CTNNA3: variants seen among roughly 807,000 people sequenced by gnomAD.
The protein encoded by CTNNA3 is catenin alpha 3.
A neutral mutation model predicts 95.7 loss-of-function variants in CTNNA3; 76 were observed. That is an observed-to-expected ratio of 0.79 (90% confidence interval 0.66 to 0.96). The LOEUF is 0.96. Among genes scored for constraint, CTNNA3 ranks in the 40% least tolerant of loss-of-function variants. The probability of loss-of-function intolerance (pLI) is 0.00; values close to 1 mark genes in which losing one functional copy is unlikely to be tolerated. For missense variants in CTNNA3, 1,191 were observed against 1,089.8 expected (o/e 1.09, Z -1.31); for synonymous variants, 431 against 374.4 (o/e 1.15, Z -1.74).
chr10:67,669,303 A>G (rs1050097319), intron 1 of CTNNA3, among the ~76,000 whole-genome samples: 1 of 152,182 alleles, frequency 6.6e-6, no homozygotes, highest in South Asian at 2.1e-4. Context: ...TGCAGAATCC[A>G]TGAACTTTGG....
intron 13 of CTNNA3, among the ~76,000 whole-genome samples, chr10:66,131,080 A>AG (rs1220448135): frequency 1.5e-3 from 222 of 151,392 alleles, no homozygotes; most frequent in African/African-American, 5.0e-3. Flanking sequence ...AAAAAAAAAA[A>AG]AAGAAGAAGA....
At chr10:66,002,051 T>A (rs1445917392) in intron 15 of CTNNA3, among the ~76,000 whole-genome samples, 3 of 152,208 alleles carry the variant, frequency 2.0e-5, no homozygotes, top group African/African-American at 7.2e-5. Flanking sequence ...TAGGATTATA[T>A]AAATTAGCTC....
At position 66,104,489 on chromosome 10, in the gene CTNNA3, G is replaced by A. The variant is rs74142669; in HGVS notation, c.1885-1240C>T. On this transcript the variant is annotated intron_variant, in intron 13 of 17. Coordinates refer to ENST00000433211, the MANE Select transcript of CTNNA3 (RefSeq NM_013266.4). ...GCTTTGGGGATACAAGTGGGTTTTG[G>A]TTACACAGATGAAATGCATGAATGT... 6.6e-4 allele frequency among the ~76,000 whole-genome samples: 100 copies of A among 152,148 alleles called. 1 individual carries two copies. Among genetic ancestry groups the A allele is most frequent in the African/African-American group, 2.2e-3 (92 of 41,486 alleles).
chr10:66,529,836 C>T (rs1841404641), intron 10 of CTNNA3, among the ~76,000 whole-genome samples: 1 of 152,120 alleles, frequency 6.6e-6, no homozygotes, highest in African/African-American at 2.4e-5. Context: ...AGCCAAGAGG[C>T]TCAAGTTAAA....
intron 13 of CTNNA3, among the ~76,000 whole-genome samples, chr10:66,126,811 T>C (rs959143575): frequency 6.6e-6 from 1 of 152,126 alleles, no homozygotes; most frequent in African/African-American, 2.4e-5. Context: ...ACTGAATATA[T>C]AAATAAATTG....
At chr10:66,503,707 T>A (rs1438099693) in intron 11 of CTNNA3, among the ~76,000 whole-genome samples, 2 of 152,086 alleles carry the variant, frequency 1.3e-5, no homozygotes, top group Non-Finnish European at 2.9e-5. Context: ...GACATTGTGA[T>A]CCTCCTGCCT....
intron 12 of CTNNA3, among the ~76,000 whole-genome samples, chr10:66,309,222 C>T (rs893564388): frequency 1.3e-5 from 2 of 152,124 alleles, no homozygotes; most frequent in African/African-American, 4.8e-5. Flanking sequence ...AGACCTAGAA[C>T]TATATATACT....
intron 7 of CTNNA3, among the ~76,000 whole-genome samples, chr10:67,094,055 AC>A (rs1316082603): frequency 1.3e-5 from 2 of 151,924 alleles, no homozygotes; most frequent in African/African-American, 4.8e-5. Flanking sequence ...AAAATCTAAT[AC>A]CCTAAGCTGA....
intron 9 of CTNNA3, among the ~76,000 whole-genome samples, chr10:66,745,096 T>C (rs1033566828): frequency 7.9e-5 from 12 of 152,180 alleles, no homozygotes; most frequent in Admixed American, 7.9e-4. Flanking sequence ...CCCCCAGCGC[T>C]TCTCAGCTCT....
rs187858881 is a variant in CTNNA3, at chr10:67,092,111, A to C, written c.1047+88206T>G. ...ACAAGGACTACATCTAAAAAACTGA[A>C]TTTCTTCATTAAGAAGTCTGTTTCT... On this transcript the variant is annotated intron_variant, in intron 7 of 17. Coordinates refer to ENST00000433211, the MANE Select transcript of CTNNA3 (RefSeq NM_013266.4). Among the ~76,000 whole-genome samples, 11 of 152,140 alleles carry C rather than the reference A, an allele frequency of 7.2e-5. No homozygotes were observed. The East Asian group carries it at 2.1e-3, about 30-fold the overall frequency.
Position 66,360,747 on chromosome 10 carries a change from C to CCTTTCTTTCTTTCTTT in CTNNA3, c.1732+18404_1732+18405insAAAGAAAGAAAGAAAG, listed in dbSNP as rs1564896851. ...TCCTTTCTTTCTTTCTTTCTTTCTT[C>CCTTTCTTTCTTTCTTT]CTTCCTTCCTTCCTTCCTTCCTTTT... is the stretch of plus-strand genomic sequence containing the variant. On this transcript the variant is annotated intron_variant, in intron 12 of 17. Coordinates refer to ENST00000433211, the MANE Select transcript of CTNNA3 (RefSeq NM_013266.4). Among the ~76,000 whole-genome samples, 49 of 27,012 alleles carry CCTTTCTTTCTTTCTTT rather than the reference C, an allele frequency of 1.8e-3. 6 individuals carry two copies. The highest frequency in any genetic ancestry group is 2.6e-3 in the Non-Finnish European group (44 of 17,086). 17.7% of individuals were successfully genotyped at this position (27,012 alleles called of 152,430 possible).
At chr10:67,678,145 G>T (rs191652475) in intron 1 of CTNNA3, among the ~76,000 whole-genome samples, 2 of 151,978 alleles carry the variant, frequency 1.3e-5, no homozygotes, top group Admixed American at 6.5e-5. Flanking sequence ...TTTAAAAATC[G>T]TGTAACATAA....
At chr10:66,684,070 A>G (rs1480095738) in intron 9 of CTNNA3, among the ~76,000 whole-genome samples, 1 of 152,154 alleles carries the variant, frequency 6.6e-6, no homozygotes, top group African/African-American at 2.4e-5. Flanking sequence ...CTAATTATCT[A>G]ATTTACAATA....
chr10:66,469,756 A>C (rs977231820), intron 11 of CTNNA3, among the ~76,000 whole-genome samples: 1 of 151,840 alleles, frequency 6.6e-6, no homozygotes, highest in Non-Finnish European at 1.5e-5. Context: ...ATGATAGTAA[A>C]AAATGAGAGA....
chr10:66,928,993 T>C (rs1014246503), intron 7 of CTNNA3, among the ~76,000 whole-genome samples: 1 of 152,134 alleles, frequency 6.6e-6, no homozygotes, highest in Non-Finnish European at 1.5e-5. Context: ...CAGGAAACTA[T>C]CAAAAGATGG....
chr10:67,641,546 A>T (rs1384501831), intron 2 of CTNNA3, among the ~76,000 whole-genome samples: 1 of 152,192 alleles, frequency 6.6e-6, no homozygotes, highest in Non-Finnish European at 1.5e-5. Context: ...TACTATAAAG[A>T]CACATGCACA....
intron 15 of CTNNA3, among the ~76,000 whole-genome samples, chr10:66,015,979 G>A (rs1019460740): frequency 6.6e-6 from 1 of 152,090 alleles, no homozygotes; most frequent in Non-Finnish European, 1.5e-5. Flanking sequence ...CTTTCACTCA[G>A]ATCACGGGAA....
At chr10:66,285,280 C>T (rs529799856) in intron 12 of CTNNA3, among the ~76,000 whole-genome samples, 1 of 151,824 alleles carries the variant, frequency 6.6e-6, no homozygotes, top group South Asian at 2.1e-4. Flanking sequence ...ATTATGTTTT[C>T]CCCCTCTGGC....
At chr10:66,793,843 G>C (rs1410396891) in intron 7 of CTNNA3, among the ~76,000 whole-genome samples, 4 of 152,012 alleles carry the variant, frequency 2.6e-5, no homozygotes, top group Non-Finnish European at 5.9e-5. Context: ...ACTACATAAA[G>C]AACAATTCTA....
Sources: gnomAD v4.1 joint callset for allele counts (sites outside exome capture counted in the v4.1 genomes callset) on GRCh38, gnomAD v4.1.1 for gene constraint, MANE v1.5 for transcripts, NCBI Gene and HGNC (gene_info 2026-07-23, HGNC 2026-07-21) for gene names.